The following FGF14 variants were observed in gnomAD, a reference collection of about 807,000 sequenced individuals.
FGF14 encodes the protein fibroblast growth factor homologous factor 4.
FGF14 carries 5 observed loss-of-function variants against 25.5 expected under a neutral mutation model. That is an observed-to-expected ratio of 0.20 (90% confidence interval 0.10 to 0.41). The LOEUF is 0.41. FGF14 is among the 10% of genes least tolerant of loss of function. The pLI, the probability that FGF14 is intolerant of heterozygous loss-of-function variation, is 1.00. For synonymous variants in FGF14, 138 were observed against 118.3 expected (o/e 1.17, Z -1.08); for missense variants, 222 against 320.1 (o/e 0.69, Z 2.34).
chr13:102,069,506 G>T (rs1230049783), intron 1 of FGF14, among the ~76,000 whole-genome samples: 1 of 152,062 alleles, frequency 6.6e-6, no homozygotes, highest in Non-Finnish European at 1.5e-5. Flanking sequence ...TCACTCTTTG[G>T]GTCCACGCTG....
intron 1 of FGF14, among the ~76,000 whole-genome samples, chr13:102,146,531 A>T (rs1303605766): frequency 6.6e-6 from 1 of 152,164 alleles, no homozygotes; most frequent in Non-Finnish European, 1.5e-5. Flanking sequence ...CAGAGTAATA[A>T]ATACCGTAGC....
At chr13:102,006,830 C>T (rs915869806) in intron 1 of FGF14, among the ~76,000 whole-genome samples, 42 of 145,580 alleles carry the variant, frequency 2.9e-4, no homozygotes, top group African/African-American at 1.0e-3. Flanking sequence ...CTGCAAGCTC[C>T]GCTTCCCGGG....
rs2034769680 is a variant in FGF14, at chr13:101,717,496, T to C, written c.*5335A>G. ...TGAACAACCTATTATTATTGTTTTG[T>C]AGCAATTTTGATGACGTATTCGCTG... On this transcript the variant is annotated 3_prime_UTR_variant, in exon 5 of 5. Transcript: ENST00000376143. 1 of 152,160 alleles carries C rather than the reference T, an allele frequency of 6.6e-6. No individual in the cohort carries two copies. The highest frequency in any genetic ancestry group is 2.4e-5 in the African/African-American group (1 of 41,458). 9.4% of individuals were successfully genotyped at this position (152,160 alleles called of 1,614,324 possible). A position where few individuals can be genotyped will look rare whatever the true frequency, so the allele number is the denominator to read the frequency against.
intron 3 of FGF14, among the ~76,000 whole-genome samples, chr13:101,812,165 C>T (rs1421418081): frequency 6.6e-6 from 1 of 152,094 alleles, no homozygotes; most frequent in Non-Finnish European, 1.5e-5. Flanking sequence ...GAGTCATTCA[C>T]AGGAAGCTAT....
At chr13:102,357,689 G>T (rs374591429) in intron 1 of FGF14, among the ~76,000 whole-genome samples, 1 of 152,146 alleles carries the variant, frequency 6.6e-6, no homozygotes, top group African/African-American at 2.4e-5. Flanking sequence ...TAGTATAGAT[G>T]AAGTGTTTAG....
chr13:101,893,120 G>C (rs951977160), intron 1 of FGF14, among the ~76,000 whole-genome samples: 4 of 152,154 alleles, frequency 2.6e-5, no homozygotes, highest in African/African-American at 9.6e-5. Context: ...AATTGTGAGA[G>C]TAATGTGGGA....
At chr13:102,092,823 C>A (rs2140250577) in intron 1 of FGF14, among the ~76,000 whole-genome samples, 1 of 151,892 alleles carries the variant, frequency 6.6e-6, no homozygotes, top group Non-Finnish European at 1.5e-5. Context: ...CCAGAGCGGC[C>A]TTTAAGGTTT....
chr13:101,930,279 A>T (rs1359261192), intron 1 of FGF14, among the ~76,000 whole-genome samples: 1 of 152,232 alleles, frequency 6.6e-6, no homozygotes, highest in Non-Finnish European at 1.5e-5. Flanking sequence ...ACTTCAGTAT[A>T]GCTTTTTAGA....
intron 3 of FGF14, among the ~76,000 whole-genome samples, chr13:101,809,151 A>C (rs916703584): frequency 3.1e-5 from 2 of 65,138 alleles, no homozygotes; most frequent in African/African-American, 1.0e-4. Context: ...AATTCAAGCA[A>C]AAATTTTCCC....
At chr13:101,749,788 G>C (rs1055332620) in intron 3 of FGF14, among the ~76,000 whole-genome samples, 3 of 152,094 alleles carry the variant, frequency 2.0e-5, no homozygotes, top group African/African-American at 4.8e-5. Context: ...CTATCAGATA[G>C]TTTAAAAAAT....
intron 1 of FGF14, among the ~76,000 whole-genome samples, chr13:102,106,137 A>G (rs751081884): frequency 6.6e-6 from 1 of 152,232 alleles, no homozygotes; most frequent in Non-Finnish European, 1.5e-5. Flanking sequence ...TATTTATTTT[A>G]TAAAATAAAA....
chr13:102,347,162 T>C (rs1234922265), intron 1 of FGF14, among the ~76,000 whole-genome samples: 2 of 152,150 alleles, frequency 1.3e-5, no homozygotes, highest in African/African-American at 2.4e-5. Flanking sequence ...GTTAGTGTTA[T>C]TCCAGAAGTG....
At chr13:102,090,870 G>A (rs2044134337) in intron 1 of FGF14, among the ~76,000 whole-genome samples, 1 of 152,206 alleles carries the variant, frequency 6.6e-6, no homozygotes, top group South Asian at 2.1e-4. Context: ...TTGCCATTGA[G>A]TCGGCTAGGA....
At chr13:102,044,035 T>C (rs1185117975) in intron 1 of FGF14, among the ~76,000 whole-genome samples, 1 of 152,216 alleles carries the variant, frequency 6.6e-6, no homozygotes, top group South Asian at 2.1e-4. Context: ...GGAATGTGAA[T>C]GCCAATGCCC....
intron 3 of FGF14, among the ~76,000 whole-genome samples, chr13:101,807,860 A>G (rs1194267704): frequency 6.6e-6 from 1 of 152,010 alleles, no homozygotes; most frequent in African/African-American, 2.4e-5. Context: ...TTCTATAATA[A>G]CATGTCATTG....
chr13:102,163,001 G>T (rs536814552), intron 1 of FGF14, among the ~76,000 whole-genome samples: 1 of 152,268 alleles, frequency 6.6e-6, no homozygotes, highest in Non-Finnish European at 1.5e-5. Context: ...ATTGGAAAAT[G>T]CCTCTAAACA....
In FGF14 at chr13:102,161,616, G is replaced by C. The variant is rs2047692169; in HGVS notation, c.208+239855C>G. On this transcript the variant is annotated intron_variant, in intron 1 of 4. Transcript: ENST00000376131. The stretch of plus-strand genomic sequence containing the variant: ...AGAAGAAGAAGAAGAAGAAGAAGAA[G>C]AAGAAGAAGAAGAAGAAGAAGAAGA... Among the ~76,000 whole-genome samples, 4 of 3,758 alleles carry C rather than the reference G, an allele frequency of 1.1e-3. 1 individual carries two copies. The highest frequency in any genetic ancestry group is 4.7e-4 in the Non-Finnish European group (1 of 2,148). 2.5% of individuals were successfully genotyped at this position (3,758 alleles called of 152,430 possible). A position where few individuals can be genotyped will look rare whatever the true frequency, so the allele number is the denominator to read the frequency against.
At chr13:102,064,863 T>A (rs2042838008) in intron 1 of FGF14, among the ~76,000 whole-genome samples, 2 of 152,066 alleles carry the variant, frequency 1.3e-5, no homozygotes, top group African/African-American at 2.4e-5. Context: ...ACTATGCCAT[T>A]TTGTATGAGG....
At chr13:101,743,680 ATGCTC>A (rs1231580832) in intron 3 of FGF14, among the ~76,000 whole-genome samples, 1 of 152,194 alleles carries the variant, frequency 6.6e-6, no homozygotes, top group African/African-American at 2.4e-5. Context: ...AGCAATGTCT[ATGCTC>A]TGTCTATATT....
Sources: gnomAD v4.1 joint callset for allele counts (sites outside exome capture counted in the v4.1 genomes callset) on GRCh38, gnomAD v4.1.1 for gene constraint, MANE v1.5 for transcripts, NCBI Gene and HGNC (gene_info 2026-07-23, HGNC 2026-07-21) for gene names.